Variants in SNX4 observed in about 807,000 individuals in gnomAD.
SNX4 encodes sorting nexin-4.
A neutral mutation model predicts 70.8 loss-of-function variants in SNX4; 49 were observed. That is an observed-to-expected ratio of 0.69 (90% CI 0.55 to 0.88). The LOEUF is 0.88. Ranked by LOEUF, SNX4 falls within the 40% of genes least tolerant of loss-of-function variation. The probability of loss-of-function intolerance (pLI) is 0.00; values close to 1 mark genes in which losing one functional copy is unlikely to be tolerated. For synonymous variants in SNX4, 206 were observed against 183.8 expected, an observed-to-expected ratio of 1.12 and a Z score of -0.98; for missense variants, 528 against 544.8, an observed-to-expected ratio of 0.97 and a Z score of 0.31.
chr3:125,461,390 C>T (rs1271618021), intron 9 of SNX4, among the ~76,000 whole-genome samples: 1 of 152,030 alleles, frequency 6.6e-6, no homozygotes, highest in African/African-American at 2.4e-5. Context: ...TGAATTTTAC[C>T]AAAATGTTTT....
chr3:125,519,968 A>T, intron 1 of SNX4, 64 bp downstream of exon 1: 1 of 633,880 alleles, frequency 1.6e-6, no homozygotes, highest in Non-Finnish European at 2.3e-6. Context: ...AGCCCAGCCC[A>T]GCCCAGCCCG....
intron 6 of SNX4, among the ~76,000 whole-genome samples, chr3:125,489,171 TAAC>T (rs1274655293): frequency 6.6e-6 from 1 of 152,196 alleles, no homozygotes; most frequent in Admixed American, 6.5e-5. Context: ...CTGCAACACT[TAAC>T]AAACCCTTCT....
chr3:125,468,804 G>A (rs547408363), intron 9 of SNX4, among the ~76,000 whole-genome samples: 16 of 146,466 alleles, frequency 1.1e-4, no homozygotes, highest in African/African-American at 3.8e-4. Flanking sequence ...AGCTGTGATT[G>A]TACCAATACC....
rs1327121777 is a variant in SNX4, at chr3:125,453,878, T to C, written c.1122A>G (p.Arg374=). ...GQETPEQREA[R]IKVLEEQINE... is the part of the protein sequence containing the mutation. ...TTATTTGTTCTTCTAGCACCTTTAT[T>C]CTGGCTTCTCTCTGCTCTGGAGTTT... The change falls in exon 12 of 14, where the codon AGA becomes AGG. Residue 374 remains arginine, a synonymous_variant. Coordinates refer to ENST00000251775, the MANE Select transcript of SNX4 (RefSeq NM_003794.4). 1 of 1,614,026 alleles carries C rather than the reference T, an allele frequency of 6.2e-7. No individual in the cohort carries two copies. The highest frequency in any genetic ancestry group is 1.7e-5 in the Admixed American group (1 of 60,010).
intron 10 of SNX4, among the ~76,000 whole-genome samples, chr3:125,460,022 T>A (rs1175457390): frequency 6.6e-6 from 1 of 151,682 alleles, no homozygotes; most frequent in East Asian, 2.0e-4. Flanking sequence ...GGTGAAACCC[T>A]GTCTCTACTA....
At chr3:125,511,756 T>TTA (rs1457974691) in intron 1 of SNX4, among the ~76,000 whole-genome samples, 2 of 152,142 alleles carry the variant, frequency 1.3e-5, no homozygotes, top group Non-Finnish European at 2.9e-5. Context: ...TTGTACTGTA[T>TTA]TATAATTGGA....
intron 13 of SNX4, among the ~76,000 whole-genome samples, chr3:125,450,866 T>C (rs1250697687): frequency 2.0e-5 from 3 of 152,218 alleles, no homozygotes; most frequent in Non-Finnish European, 4.4e-5. Flanking sequence ...AAGAGTACCA[T>C]ATGATCTAAA....
chr3:125,494,160 C>A (rs1934729455), intron 5 of SNX4, among the ~76,000 whole-genome samples: 1 of 151,942 alleles, frequency 6.6e-6, no homozygotes, highest in Non-Finnish European at 1.5e-5. Context: ...GAGCCAAGGT[C>A]AAATATTCTT....
At chr3:125,494,449 T>C (rs936323810) in intron 5 of SNX4, among the ~76,000 whole-genome samples, 7 of 152,164 alleles carry the variant, frequency 4.6e-5, no homozygotes, top group South Asian at 2.1e-4. Context: ...TGAGGCAATA[T>C]TGAGCAAAAT....
At chr3:125,457,150 G>A in intron 11 of SNX4, 116 bp downstream of exon 11, 1 of 722,444 alleles carries the variant, frequency 1.4e-6, no homozygotes, top group Non-Finnish European at 2.5e-6. Flanking sequence ...CAGCCGTCCT[G>A]AGTATTGTAA....
rs79542434 is a variant in SNX4, at chr3:125,472,119, A to C, written c.789-2600T>G. 5.7e-3 allele frequency among the ~76,000 whole-genome samples: 862 copies of C among 152,212 alleles called. 8 individuals are homozygous for C. The highest frequency in any genetic ancestry group is 0.027 in the Middle Eastern group (8 of 294). On this transcript the variant is annotated intron_variant, in intron 8 of 13. Transcript: ENST00000251775. The stretch of plus-strand genomic sequence containing the variant: ...TAGTCACAGCTCAGTCTTTTTTCTT[A>C]GTCCATTCTTTCACTCCAACCTCCA...
At chr3:125,458,739 C>T (rs1933792444) in intron 10 of SNX4, among the ~76,000 whole-genome samples, 4 of 130,116 alleles carry the variant, frequency 3.1e-5, no homozygotes, top group East Asian at 5.1e-4. Flanking sequence ...GCGTGAATCC[C>T]GGGGGGCGGA....
chr3:125,503,213 G>A (rs192011176), intron 2 of SNX4, among the ~76,000 whole-genome samples: 11 of 152,180 alleles, frequency 7.2e-5, no homozygotes, highest in Admixed American at 2.6e-4. Context: ...AGCTAGGTTT[G>A]GTAGTCTATA....
At chr3:125,479,627 T>C (rs1230295571) in intron 7 of SNX4, among the ~76,000 whole-genome samples, 1 of 152,136 alleles carries the variant, frequency 6.6e-6, no homozygotes, top group Non-Finnish European at 1.5e-5. Flanking sequence ...AATGTGACCT[T>C]ACCTGGTATC....
chr3:125,519,018 A>G (rs999720814), intron 1 of SNX4, among the ~76,000 whole-genome samples: 2 of 151,852 alleles, frequency 1.3e-5, no homozygotes, highest in African/African-American at 4.8e-5. Context: ...CAAAATAAAT[A>G]AATAAATAAA....
chr3:125,489,569 C>T, intron 5 of SNX4, 106 bp from the exon 6 acceptor site: 1 of 846,528 alleles, frequency 1.2e-6, no homozygotes, highest in South Asian at 1.5e-5. Context: ...CAGTTTTCTT[C>T]ATATCAATTG....
At chr3:125,483,216 T>C (rs1007012996) in intron 6 of SNX4, among the ~76,000 whole-genome samples, 2 of 151,600 alleles carry the variant, frequency 1.3e-5, no homozygotes, top group Non-Finnish European at 2.9e-5. Context: ...TTTCTTTACG[T>C]AGAGCCAGTT....
chr3:125,501,851 G>T (rs1934937178), intron 2 of SNX4, among the ~76,000 whole-genome samples: 1 of 152,118 alleles, frequency 6.6e-6, no homozygotes. Context: ...ATTTATTGAT[G>T]ATCTACTTAA....
At chr3:125,448,433 C>T (rs995916149) in intron 13 of SNX4, among the ~76,000 whole-genome samples, 2 of 151,768 alleles carry the variant, frequency 1.3e-5, no homozygotes, top group Non-Finnish European at 1.5e-5. Context: ...CAGTGCCCGG[C>T]TCGGTTTTTT....
Sources: allele counts gnomAD v4.1 joint callset (sites outside exome capture counted in the v4.1 genomes callset), GRCh38; gene constraint gnomAD v4.1.1; transcripts MANE v1.5; gene names NCBI Gene and HGNC (gene_info 2026-07-23, HGNC 2026-07-21).